The following WDR12 variants were observed in gnomAD, a reference collection of about 807,000 sequenced individuals.
WDR12 encodes ribosome biogenesis protein WDR12.
Under a neutral mutation model 64.3 loss-of-function variants are expected in WDR12, and 42 were observed. That is an observed-to-expected ratio of 0.65 (90% CI 0.51 to 0.84). The LOEUF (loss-of-function observed/expected upper bound fraction) is 0.84. Among genes scored for constraint, WDR12 ranks in the 40% least tolerant of loss-of-function variants. WDR12 has a pLI of 0.00. For missense variants in WDR12, 469 were observed against 494.6 expected (o/e 0.95, Z 0.49); for synonymous variants, 158 against 173.3 (o/e 0.91, Z 0.70).
chr2:202,875,493 ATTC>A lies in WDR12; in HGVS notation c.*5364_*5366del, dbSNP rs1319237039. ...AACCTCCACCTCCTGGGTTCAAGCAATTCTTCTGCCTCAGCCTTCCAAGTAGCT... is the reference window on the plus strand; with the variant it reads ...AACCTCCACCTCCTGGGTTCAAGCAATTCTGCCTCAGCCTTCCAAGTAGCT... On this transcript the variant is annotated 3_prime_UTR_variant, in exon 13 of 13. Coordinates refer to ENST00000261015, the MANE Select transcript of WDR12 (RefSeq NM_018256.4). 1 of 151,722 alleles carries A rather than the reference ATTC, an allele frequency of 6.6e-6. No homozygotes were observed. Among genetic ancestry groups the A allele is most frequent in the Non-Finnish European group, 1.5e-5 (1 of 68,042 alleles). The allele number at this position is 151,722 out of a possible 1,614,324, so 9.4% of individuals were successfully genotyped here. A position where few individuals can be genotyped will look rare whatever the true frequency, so the allele number is the denominator to read the frequency against.
intron 1 of WDR12, among the ~76,000 whole-genome samples, chr2:202,908,262 G>T (rs1401052926): frequency 6.6e-6 from 1 of 152,168 alleles, no homozygotes; most frequent in Admixed American, 6.6e-5. Context: ...GGCCAGAAAC[G>T]ATCCACAGAA....
At chr2:202,908,646 A>C (rs1330579879) in intron 1 of WDR12, among the ~76,000 whole-genome samples, 1 of 152,216 alleles carries the variant, frequency 6.6e-6, no homozygotes, top group Non-Finnish European at 1.5e-5. Flanking sequence ...TTTATATATC[A>C]TGTGAAATCA....
At chr2:202,883,002 A>G in intron 11 of WDR12, 1 of 463,704 alleles carries the variant, frequency 2.2e-6, no homozygotes, top group Non-Finnish European at 3.8e-6. Context: ...TCAGAAAAAA[A>G]TGTTATTTCA....
intron 1 of WDR12, among the ~76,000 whole-genome samples, chr2:202,908,676 G>C (rs1449560066): frequency 6.6e-6 from 1 of 152,112 alleles, no homozygotes; most frequent in Non-Finnish European, 1.5e-5. Context: ...CTTTTTTGTG[G>C]GTAATGAAGA....
rs1299635823 is a variant in WDR12 at position 202,875,860 on chromosome 2, C to A, written c.*5000G>T. On this transcript the variant is annotated 3_prime_UTR_variant, in exon 13 of 13. Transcript: ENST00000261015. ...TGCCATTTATTTCCTGCCTGTGTGA[C>A]TGTTCAAAAACTTTAACATATATTT... 1 of 152,186 alleles carries A rather than the reference C, an allele frequency of 6.6e-6. No individual in the cohort carries two copies. Among genetic ancestry groups the A allele is most frequent in the Non-Finnish European group, 1.5e-5 (1 of 68,032 alleles). 9.4% of individuals were successfully genotyped at this position (152,186 alleles called of 1,614,324 possible). A position where few individuals can be genotyped will look rare whatever the true frequency, so the allele number is the denominator to read the frequency against.
chr2:202,902,037 G>A (rs1055231765), intron 2 of WDR12, among the ~76,000 whole-genome samples: 4 of 151,966 alleles, frequency 2.6e-5, no homozygotes, highest in East Asian at 1.9e-4. Flanking sequence ...CCTAATTATC[G>A]GGATTAACAG....
At chr2:202,901,755 T>A (rs1394261673) in intron 2 of WDR12, among the ~76,000 whole-genome samples, 1 of 152,212 alleles carries the variant, frequency 6.6e-6, no homozygotes, top group East Asian at 1.9e-4. Flanking sequence ...GTTGACTCCA[T>A]CTCCAAGGTG....
chr2:202,899,488 A>G, intron 4 of WDR12, 43 bp downstream of exon 4: 1 of 1,567,394 alleles, frequency 6.4e-7, no homozygotes. Flanking sequence ...GAAGGAGGTA[A>G]AAACAAAACA....
Position 202,883,514 on chromosome 2 carries a change from T to C in WDR12, c.1121+95A>G, listed in dbSNP as rs1395821546. Reference sequence around the variant, plus strand: ...GGTTGCAAAACCATGAGGCTTTTTTTACTCTTCTGGTTTTAGATAAGAATT... The same window carrying C: ...GGTTGCAAAACCATGAGGCTTTTTTCACTCTTCTGGTTTTAGATAAGAATT... On this transcript the variant is annotated intron_variant, in intron 11 of 12. Transcript: ENST00000261015. The C allele has an allele frequency of 3.7e-6, 5 of 1,369,534 alleles. No homozygotes were observed. The East Asian group carries it at 1.2e-4, about 34-fold the overall frequency. The allele number at this position is 1,369,534 out of a possible 1,614,324, so 84.8% of individuals were successfully genotyped here.
intron 7 of WDR12, among the ~76,000 whole-genome samples, chr2:202,893,538 T>C (rs1688188815): frequency 6.6e-6 from 1 of 152,232 alleles, no homozygotes; most frequent in African/African-American, 2.4e-5. Flanking sequence ...ATTATATATT[T>C]CCCACCATCT....
rs1393072314 is a variant in WDR12 at position 202,874,410 on chromosome 2, A to C, written c.*6450T>G. On this transcript the variant is annotated 3_prime_UTR_variant, in exon 13 of 13. Coordinates refer to ENST00000261015, the MANE Select transcript of WDR12 (RefSeq NM_018256.4). ...CAAGCTAACTAGACAAGAACATTAG[A>C]TGACTTGGAATGTAGGGCTCCACAA... is the stretch of plus-strand genomic sequence containing the variant. Among the ~76,000 whole-genome samples, 1 of 152,176 alleles carries C rather than the reference A, an allele frequency of 6.6e-6. No individual in the cohort carries two copies. Among genetic ancestry groups the C allele is most frequent in the Non-Finnish European group, 1.5e-5 (1 of 68,028 alleles).
chr2:202,900,560 CA>C (rs1688330918), intron 3 of WDR12, among the ~76,000 whole-genome samples: 1 of 151,946 alleles, frequency 6.6e-6, no homozygotes, highest in South Asian at 2.1e-4. Flanking sequence ...AATCACAAAA[CA>C]AGCAACAATT....
At chr2:202,909,812 T>G (rs1227621898) in intron 1 of WDR12, among the ~76,000 whole-genome samples, 1 of 152,054 alleles carries the variant, frequency 6.6e-6, no homozygotes, top group African/African-American at 2.4e-5. Context: ...TTTATTTATT[T>G]GAGATAGAGT....
chr2:202,882,474 G>A lies in WDR12; in HGVS notation c.1194+237C>T, dbSNP rs183181460. ...CTCCCAAGTAGCTGGAACTACAGGC[G>A]CCCGCCACCATGCCCGGCTAATTTT... On this transcript the variant is annotated intron_variant, in intron 12 of 12. Coordinates refer to ENST00000261015, the MANE Select transcript of WDR12 (RefSeq NM_018256.4). Among the ~76,000 whole-genome samples the A allele has an allele frequency of 3.3e-3, 504 of 151,786 alleles. 1 individual carries two copies. Among genetic ancestry groups the A allele is most frequent in the African/African-American group, 0.012 (477 of 41,400 alleles).
rs1326969430 is a variant in WDR12 at position 202,880,624 on chromosome 2, TCA to T, written c.*234_*235del. On this transcript the variant is annotated 3_prime_UTR_variant, in exon 13 of 13. Transcript: ENST00000261015. ...ATACCTTTAAAGAGAAATGTAAAAC[TCA>T]GTTTAATTTCAAGTTTGTATAGAGA... The T allele has an allele frequency of 1.2e-5, 3 of 251,940 alleles. No individual in the cohort carries two copies. Among genetic ancestry groups the T allele is most frequent in the African/African-American group, 6.8e-5 (3 of 44,034 alleles). 15.6% of individuals were successfully genotyped at this position (251,940 alleles called of 1,614,324 possible).
chr2:202,906,834 T>C (rs182409338), intron 2 of WDR12, among the ~76,000 whole-genome samples: 92 of 152,278 alleles, frequency 6.0e-4, no homozygotes, highest in Admixed American at 1.2e-3. Flanking sequence ...CTTTACTTTT[T>C]AAAAAATACT....
At chr2:202,894,513 T>C (rs975713424) in intron 7 of WDR12, 68 bp downstream of exon 7, 7 of 1,398,022 alleles carry the variant, frequency 5.0e-6, no homozygotes, top group East Asian at 2.5e-5. Flanking sequence ...TAAGCCACCA[T>C]ATAGCCTCCG....
chr2:202,888,595 T>C (rs1456493686), intron 8 of WDR12, among the ~76,000 whole-genome samples: 1 of 152,182 alleles, frequency 6.6e-6, no homozygotes, highest in Non-Finnish European at 1.5e-5. Context: ...GACAGGTAAA[T>C]GAACTGGCAG....
chr2:202,899,104 G>A (rs1207021900), intron 4 of WDR12, among the ~76,000 whole-genome samples: 1 of 134,040 alleles, frequency 7.5e-6, no homozygotes, highest in Non-Finnish European at 1.5e-5. Flanking sequence ...GTGCAGTGGG[G>A]CCATCTCAGC....
Sources: allele counts gnomAD v4.1 joint callset (sites outside exome capture counted in the v4.1 genomes callset), GRCh38; gene constraint gnomAD v4.1.1; transcripts MANE v1.5; gene names NCBI Gene and HGNC (gene_info 2026-07-23, HGNC 2026-07-21).